MEF2C: variants seen among roughly 807,000 people sequenced by gnomAD.
MEF2C encodes the protein myocyte-specific enhancer factor 2C.
MEF2C carries 6 observed loss-of-function variants against 50.5 expected under a neutral mutation model. The observed-to-expected ratio is 0.12, with a 90% confidence interval of 0.07 to 0.23. The LOEUF (loss-of-function observed/expected upper bound fraction) is 0.23. Among genes scored for constraint, MEF2C ranks in the 10% least tolerant of loss-of-function variants. The pLI is 1.00. For missense variants in MEF2C, 276 were observed against 605.0 expected (o/e 0.46, Z 5.70); for synonymous variants, 183 against 228.0 (o/e 0.80, Z 1.78).
chr5:88,808,872 T>A (rs760406779), intron 2 of MEF2C, among the ~76,000 whole-genome samples: 2 of 152,148 alleles, frequency 1.3e-5, no homozygotes, highest in African/African-American at 2.4e-5. Context: ...TTTTCTTAAC[T>A]TGATAATAGT....
intron 1 of MEF2C, among the ~76,000 whole-genome samples, chr5:88,888,469 G>A (rs1393386084): frequency 6.6e-6 from 1 of 152,194 alleles, no homozygotes; most frequent in East Asian, 1.9e-4. Flanking sequence ...GAGTCAAAGA[G>A]AAATGAAAAA....
chr5:88,719,039 AT>A lies in MEF2C; in HGVS notation c.*3564del, dbSNP rs1354067636. 2 of 152,204 alleles carry A rather than the reference AT, an allele frequency of 1.3e-5. No individual in the cohort carries two copies. The highest frequency in any genetic ancestry group is 2.9e-5 in the Non-Finnish European group (2 of 68,034). The allele number at this position is 152,204 out of a possible 1,614,324, so 9.4% of individuals were successfully genotyped here. A position where few individuals can be genotyped will look rare whatever the true frequency, so the allele number is the denominator to read the frequency against. On this transcript the variant is annotated 3_prime_UTR_variant, in exon 11 of 11. Transcript: ENST00000504921. Reference sequence around the variant, plus strand: ...AGTGGCTTCTTCTTCTTTAAAAAAAATGTTTTTTAAAGAAAGAACTACAAAG... The same window carrying A: ...AGTGGCTTCTTCTTCTTTAAAAAAAAGTTTTTTAAAGAAAGAACTACAAAG...
chr5:88,823,054 G>A (rs1203028841), intron 2 of MEF2C, among the ~76,000 whole-genome samples: 2 of 151,908 alleles, frequency 1.3e-5, no homozygotes, highest in African/African-American at 4.8e-5. Context: ...CTGAGCATTT[G>A]AATGTGTAAA....
chr5:88,717,655 T>C lies in MEF2C; in HGVS notation c.*4949A>G, dbSNP rs1389693008. ...CCAAGTTCTCCAGCTGGCTAACTGG[T>C]GGTGTCTTGTTTTCCTTTTCAGTTT... On this transcript the variant is annotated 3_prime_UTR_variant, in exon 11 of 11. Coordinates refer to ENST00000504921, the MANE Select transcript of MEF2C (RefSeq NM_002397.5). 1 of 152,210 alleles carries C rather than the reference T, an allele frequency of 6.6e-6. No homozygotes were observed. The highest frequency in any genetic ancestry group is 1.5e-5 in the Non-Finnish European group (1 of 68,034). 9.4% of individuals were successfully genotyped at this position (152,210 alleles called of 1,614,324 possible).
intron 3 of MEF2C, chr5:88,766,759 G>T (rs1780232556): frequency 1.9e-5 from 19 of 985,378 alleles, no homozygotes; most frequent in Non-Finnish European, 2.3e-5. Context: ...CTTTACTTCA[G>T]AGGGTTGATG....
chr5:88,830,892 CAG>C (rs1812754913), intron 1 of MEF2C, among the ~76,000 whole-genome samples: 1 of 152,074 alleles, frequency 6.6e-6, no homozygotes. Flanking sequence ...TAAGCACATG[CAG>C]CTGGATTTTT....
chr5:88,869,157 A>T (rs1828363496), intron 1 of MEF2C, among the ~76,000 whole-genome samples: 1 of 150,616 alleles, frequency 6.6e-6, no homozygotes, highest in Non-Finnish European at 1.5e-5. Context: ...ATATTGCTGG[A>T]TTTGTCTATG....
intron 6 of MEF2C, chr5:88,735,403 A>G (rs1246025498): frequency 1.0e-6 from 1 of 985,262 alleles, no homozygotes; most frequent in Admixed American, 6.2e-5. Flanking sequence ...TTTAGACGTG[A>G]CTGTATGCAG....
chr5:88,877,441 A>G (rs1258872201), intron 1 of MEF2C, among the ~76,000 whole-genome samples: 1 of 152,014 alleles, frequency 6.6e-6, no homozygotes, highest in Non-Finnish European at 1.5e-5. Context: ...TAGGAATATG[A>G]TTTTTTGCAG....
At chr5:88,751,021 C>T (rs1227840635) in intron 5 of MEF2C, 1 of 862,314 alleles carries the variant, frequency 1.2e-6, no homozygotes, top group Non-Finnish European at 1.4e-6. Flanking sequence ...CTTCTGGAAA[C>T]ATAAAGGAAT....
chr5:88,876,671 G>T (rs777508248), intron 1 of MEF2C, among the ~76,000 whole-genome samples: 7 of 151,880 alleles, frequency 4.6e-5, no homozygotes, highest in Non-Finnish European at 1.0e-4. Context: ...TTTGGGGAAG[G>T]ATGCACATTC....
intron 1 of MEF2C, among the ~76,000 whole-genome samples, chr5:88,837,457 A>C (rs1007443764): frequency 6.6e-6 from 1 of 152,346 alleles, no homozygotes; most frequent in South Asian, 2.1e-4. Flanking sequence ...AATACTGCAC[A>C]GTGGAAAGAA....
chr5:88,893,486 G>T (rs1309078543), intron 1 of MEF2C, among the ~76,000 whole-genome samples: 1 of 151,926 alleles, frequency 6.6e-6, no homozygotes, highest in Non-Finnish European at 1.5e-5. Flanking sequence ...GCCTCCCAAA[G>T]TGCTGGGATT....
intron 5 of MEF2C, chr5:88,751,307 C>A (rs1407559955): frequency 1.0e-6 from 1 of 985,268 alleles, no homozygotes; most frequent in East Asian, 1.1e-4. Flanking sequence ...GTTTAATTAA[C>A]TTCATTTCTG....
chr5:88,872,977 C>T (rs991338195), intron 1 of MEF2C, among the ~76,000 whole-genome samples: 6 of 152,038 alleles, frequency 3.9e-5, no homozygotes, highest in South Asian at 2.1e-4. Context: ...TCTTCTCTCT[C>T]GAGAGTGTAT....
intron 2 of MEF2C, among the ~76,000 whole-genome samples, chr5:88,807,115 A>G (rs971892787): frequency 2.6e-5 from 4 of 152,228 alleles, no homozygotes; most frequent in Admixed American, 1.3e-4. Context: ...TTATCATATG[A>G]CATTGAAGGT....
chr5:88,797,454 CCTTTTTTTTTTTTTTTTTT>C (rs1198077975), intron 3 of MEF2C, among the ~76,000 whole-genome samples: 1 of 25,242 alleles, frequency 4.0e-5, no homozygotes, highest in Non-Finnish European at 9.3e-5. Flanking sequence ...GCAACCCTTG[CCTTTTTTTTTTTTTTTTTT>C]TTTTTTTTTG....
intron 6 of MEF2C, chr5:88,743,951 A>G (rs752465259): frequency 8.7e-6 from 8 of 923,876 alleles, no homozygotes; most frequent in Non-Finnish European, 1.0e-5. Flanking sequence ...CCTTTGCCTT[A>G]CTGTCAAATA....
intron 1 of MEF2C, among the ~76,000 whole-genome samples, chr5:88,858,378 A>G (rs1220464829): frequency 6.6e-6 from 1 of 152,188 alleles, no homozygotes; most frequent in Non-Finnish European, 1.5e-5. Context: ...CTCCATAGAG[A>G]TTGGAATAAA....
Sources: gnomAD v4.1 joint callset for allele counts (sites outside exome capture counted in the v4.1 genomes callset) on GRCh38, gnomAD v4.1.1 for gene constraint, MANE v1.5 for transcripts, NCBI Gene and HGNC (gene_info 2026-07-23, HGNC 2026-07-21) for gene names.